NAGPA: variants seen among roughly 807,000 people sequenced by gnomAD.
NAGPA encodes the protein alpha-N-acetylglucosaminyl phosphodiesterase.
NAGPA carries 56 observed loss-of-function variants against 48.5 expected under a neutral mutation model. The observed-to-expected ratio is 1.15, with a 90% CI of 0.93 to 1.44. The LOEUF (loss-of-function observed/expected upper bound fraction) is 1.44, where lower values mean the gene tolerates loss of function less well. Among genes scored for constraint, NAGPA ranks in the 40% most tolerant of loss-of-function variants. The probability of loss-of-function intolerance (pLI) is 0.00; values close to 1 mark genes in which losing one functional copy is unlikely to be tolerated. For missense variants in NAGPA, 888 were observed against 735.0 expected (o/e 1.21, Z -2.41); for synonymous variants, 399 against 315.5 (o/e 1.26, Z -2.81).
intron 3 of NAGPA, 76 bp downstream of exon 3, chr16:5,031,669 G>C (rs142970775): frequency 2.1e-5 from 34 of 1,591,724 alleles, no homozygotes; most frequent in Non-Finnish European, 2.8e-5. Flanking sequence ...CTTGTTGAAA[G>C]ACTTAAGAAC....
chr16:5,031,673 T>G, intron 3 of NAGPA, 72 bp downstream of exon 3: 1 of 1,600,396 alleles, frequency 6.2e-7, no homozygotes, highest in African/African-American at 1.3e-5. Flanking sequence ...TTGAAAGACT[T>G]AAGAACAGCT....
In NAGPA at chr16:5,028,938, C is replaced by T. The variant is rs1956053235; in HGVS notation, c.862G>A (p.Gly288Ser). 4 of 1,613,952 alleles carry T rather than the reference C, an allele frequency of 2.5e-6. No homozygotes were observed. Among genetic ancestry groups the T allele is most frequent in the African/African-American group, 1.3e-5 (1 of 74,946 alleles). ...TTGAGCACAAAGGTGGCAGAGCCAC[C>T]CCCATCCAGGTTGATGGCGTTGACC... ...DVVNAINLDG[G>S]GSATFVLNGT... Residue 288 changes from glycine (G) to serine (S), a missense_variant, in exon 5 of 10, where the codon GGT (glycine) becomes AGT (serine). Transcript: ENST00000312251.
Position 5,026,927 on chromosome 16 carries a change from G to T in NAGPA, c.1340+208C>A, listed in dbSNP as rs78958471. Among the ~76,000 whole-genome samples, 1,470 of 152,274 alleles carry T rather than the reference G, an allele frequency of 9.7e-3. 17 individuals carry two copies. Among genetic ancestry groups the T allele is most frequent in the East Asian group, 0.036 (186 of 5,170 alleles). ...CAGTTTGCATTCTGAGCTCCAGTGG[G>T]GGATGCTGACAACAGAGGCTGGGCA... On this transcript the variant is annotated intron_variant, in intron 9 of 9. Transcript: ENST00000312251.
In NAGPA at chr16:5,030,496, G is replaced by C. The variant is rs1956079491; in HGVS notation, c.683-3C>G. The C allele has an allele frequency of 6.4e-7, 1 of 1,552,104 alleles. No homozygotes were observed. Among genetic ancestry groups the C allele is most frequent in the Middle Eastern group, 1.7e-4 (1 of 5,994 alleles). ...ATTCACAAATTTGCTAAAGGAACCT[G>C]AAGGAAAAGCAGCCTGGCTGATCAC... On this transcript the variant is annotated splice_region_variant and splice_polypyrimidine_tract_variant and intron_variant, in intron 3 of 9. Coordinates refer to ENST00000312251, the MANE Select transcript of NAGPA (RefSeq NM_016256.4).
Position 5,027,354 on chromosome 16 carries a change from C to G in NAGPA, c.1200G>C (p.Pro400=), listed in dbSNP as rs776827982. The G allele has an allele frequency of 2.5e-6, 4 of 1,613,892 alleles. No individual in the cohort carries two copies. In the African/African-American group the frequency reaches 5.3e-5, roughly 22 times the overall value. ...SEECPLGWHG[P]GCQRPCKCEH... is the part of the protein sequence containing the mutation. ...CACACTTACAAGGCCTCTGGCAGCC[C>G]GGCCCATGCCAGCCAAGGGGACACT... is the stretch of plus-strand genomic sequence containing the variant. Residue 400 remains proline, a synonymous_variant, in exon 8 of 10, where the codon CCG becomes CCC. Coordinates refer to ENST00000312251, the MANE Select transcript of NAGPA (RefSeq NM_016256.4).
At chr16:5,027,821 C>T in intron 7 of NAGPA, 25 bp downstream of exon 7, 1 of 1,553,194 alleles carries the variant, frequency 6.4e-7, no homozygotes, top group East Asian at 2.4e-5. Context: ...GTCTCCCCAT[C>T]CGCTAGTGGC....
Position 5,031,900 on chromosome 16 carries a change from G to C in NAGPA, c.543-16C>G, listed in dbSNP as rs1956105359. On this transcript the variant is annotated splice_polypyrimidine_tract_variant and intron_variant, in intron 2 of 9. Coordinates refer to ENST00000312251, the MANE Select transcript of NAGPA (RefSeq NM_016256.4). ...AGACAGGTACCTGGATCCGGGGAAG[G>C]TGGGAAGCTCACTCACCAGCAGGGG... 5 of 1,613,984 alleles carry C rather than the reference G, an allele frequency of 3.1e-6. No homozygotes were observed. In the South Asian group the frequency reaches 3.3e-5, roughly 11 times the overall value.
At chr16:5,027,744 G>A in intron 7 of NAGPA, 102 bp downstream of exon 7, 1 of 1,493,092 alleles carries the variant, frequency 6.7e-7, no homozygotes, top group Non-Finnish European at 9.1e-7. Context: ...CAAGAGGCAA[G>A]CATTTCCCAG....
intron 7 of NAGPA, 131 bp from the exon 8 acceptor site, chr16:5,027,510 C>A (rs1000030761): frequency 2.1e-6 from 2 of 944,578 alleles, no homozygotes; most frequent in Admixed American, 2.1e-5. Flanking sequence ...GGTGAAGCAC[C>A]CCCTGCCCTC....
rs1242365508 is a variant in NAGPA, at chr16:5,033,155, T to C, written c.542+118A>G. The stretch of plus-strand genomic sequence containing the variant: ...GCAAGGAAGCGATTCCTATCCCCAT[T>C]CTGCAGAGGAGGAAACAGGGGCTCA... On this transcript the variant is annotated intron_variant, in intron 2 of 9. Transcript: ENST00000312251. The surrounding 1 kb of genome is among the most constrained non-coding windows in gnomAD (Gnocchi z 4.2). The C allele has an allele frequency of 1.7e-6, 2 of 1,184,774 alleles. No individual in the cohort carries two copies. The highest frequency in any genetic ancestry group is 3.0e-5 in the African/African-American group (2 of 66,026). The allele number at this position is 1,184,774 out of a possible 1,614,324, so 73.4% of individuals were successfully genotyped here. A position where few individuals can be genotyped will look rare whatever the true frequency, so the allele number is the denominator to read the frequency against.
chr16:5,026,813 A>G (rs1956009060), intron 9 of NAGPA, among the ~76,000 whole-genome samples: 1 of 152,192 alleles, frequency 6.6e-6, no homozygotes, highest in South Asian at 2.1e-4. Flanking sequence ...AGGCGGGAGG[A>G]TCGCAGTGAG....
At position 5,033,546 on chromosome 16, in the gene NAGPA, A is replaced by ACCG; in HGVS notation, c.266_268dup (p.Ala89dup). On this transcript the variant is annotated inframe_insertion, in exon 2 of 10. Coordinates refer to ENST00000312251, the MANE Select transcript of NAGPA (RefSeq NM_016256.4). The surrounding 1 kb of genome is among the most constrained non-coding windows in gnomAD (Gnocchi z 4.2). ...AACGGCCCGCGTCAGGTGGCCGGCC[A>ACCG]CCGCGCGGTCCCTGAAGTGCGACAC... The ACCG allele has an allele frequency of 6.7e-7, 1 of 1,499,022 alleles. No homozygotes were observed. The highest frequency in any genetic ancestry group is 8.8e-7 in the Non-Finnish European group (1 of 1,134,300). 92.9% of individuals were successfully genotyped at this position (1,499,022 alleles called of 1,614,324 possible).
chr16:5,033,174 G>C lies in NAGPA; in HGVS notation c.542+99C>G, dbSNP rs1036435045. The C allele has an allele frequency of 1.5e-5, 21 of 1,369,948 alleles. No homozygotes were observed. The highest frequency in any genetic ancestry group is 7.9e-5 in the Admixed American group (4 of 50,566). 84.9% of individuals were successfully genotyped at this position (1,369,948 alleles called of 1,614,324 possible). A position where few individuals can be genotyped will look rare whatever the true frequency, so the allele number is the denominator to read the frequency against. The stretch of plus-strand genomic sequence containing the variant: ...CCCCATTCTGCAGAGGAGGAAACAG[G>C]GGCTCAGCTTGGTTAAGTGACTTGA... On this transcript the variant is annotated intron_variant, in intron 2 of 9. Transcript: ENST00000312251. This position sits in a 1 kb window ranked among gnomAD's most constrained non-coding sequence, Gnocchi z 4.2.
In NAGPA at chr16:5,033,784, AG is replaced by A. The variant is rs752187452; in HGVS notation, c.86+44del. 4 of 1,575,318 alleles carry A rather than the reference AG, an allele frequency of 2.5e-6. No homozygotes were observed. The highest frequency in any genetic ancestry group is 3.4e-6 in the Non-Finnish European group (4 of 1,161,494). On this transcript the variant is annotated intron_variant, in intron 1 of 9. Coordinates refer to ENST00000312251, the MANE Select transcript of NAGPA (RefSeq NM_016256.4). The surrounding 1 kb of genome is among the most constrained non-coding windows in gnomAD (Gnocchi z 4.2). Reference sequence around the variant, plus strand: ...GGCTGTCCTCGTGAGCTCGGAGGACAGGGGGGACCCCCCGAACCAGGCTGGC... The same window carrying A: ...GGCTGTCCTCGTGAGCTCGGAGGACAGGGGGACCCCCCGAACCAGGCTGGC...
Position 5,027,975 on chromosome 16 carries a change from C to G in NAGPA, c.1126+5G>C. The stretch of plus-strand genomic sequence containing the variant: ...CAGAGCCCCCTCCCCAGAACCCCCA[C>G]TCACTCTCCGTGCACAGTCCGTGCT... On this transcript the variant is annotated splice_donor_5th_base_variant and intron_variant, in intron 6 of 9. Coordinates refer to ENST00000312251, the MANE Select transcript of NAGPA (RefSeq NM_016256.4). 6.2e-7 allele frequency: 1 copy of G among 1,613,880 alleles called. No homozygotes were observed. Among genetic ancestry groups the G allele is most frequent in the Non-Finnish European group, 8.5e-7 (1 of 1,179,902 alleles).
chr16:5,029,956 C>G (rs1213303484), intron 4 of NAGPA: 4 of 281,352 alleles, frequency 1.4e-5, no homozygotes, highest in African/African-American at 8.8e-5. Context: ...ACATTCCCTG[C>G]TGAGTGTTGC....
chr16:5,025,208 G>A lies in NAGPA; in HGVS notation c.*270C>T, dbSNP rs1358791697. Reference sequence around the variant, plus strand: ...TCTTTGGCAGTGCGGCAGCCCTCCCGGGGGCACGGGCTTCTCGGCAGCAGA... The same window carrying A: ...TCTTTGGCAGTGCGGCAGCCCTCCCAGGGGCACGGGCTTCTCGGCAGCAGA... On this transcript the variant is annotated 3_prime_UTR_variant, in exon 10 of 10. Coordinates refer to ENST00000312251, the MANE Select transcript of NAGPA (RefSeq NM_016256.4). The A allele has an allele frequency of 1.5e-5, 8 of 524,626 alleles. No individual in the cohort carries two copies. Among genetic ancestry groups the A allele is most frequent in the Admixed American group, 3.2e-5 (1 of 31,532 alleles). The allele number at this position is 524,626 out of a possible 1,614,324, so 32.5% of individuals were successfully genotyped here. A position where few individuals can be genotyped will look rare whatever the true frequency, so the allele number is the denominator to read the frequency against.
chr16:5,030,590 C>T, intron 3 of NAGPA, 97 bp from the exon 4 acceptor site: 1 of 979,126 alleles, frequency 1.0e-6, no homozygotes, highest in East Asian at 2.6e-5. Context: ...CCTGGTACCT[C>T]CCTGGGAAGC....
At position 5,030,240 on chromosome 16, in the gene NAGPA, G is replaced by A. The variant is rs532120457; in HGVS notation, c.791+145C>T. On this transcript the variant is annotated intron_variant, in intron 4 of 9. Transcript: ENST00000312251. ...AGATCTCAGAACCCTCATCCTGTGGGAAGGTGAGGGGGCCCTGGGAGGGGG... is the reference window on the plus strand; with the variant it reads ...AGATCTCAGAACCCTCATCCTGTGGAAAGGTGAGGGGGCCCTGGGAGGGGG... The A allele has an allele frequency of 8.2e-6, 6 of 732,594 alleles. No individual in the cohort carries two copies. In the African/African-American group the frequency reaches 1.0e-4, roughly 13 times the overall value. 45.4% of individuals were successfully genotyped at this position (732,594 alleles called of 1,614,324 possible).
Sources: gnomAD v4.1 joint callset for allele counts (sites outside exome capture counted in the v4.1 genomes callset) on GRCh38, gnomAD v4.1.1 for gene constraint, Gnocchi (gnomAD v3.1) non-coding constraint, MANE v1.5 for transcripts, NCBI Gene and HGNC (gene_info 2026-07-23, HGNC 2026-07-21) for gene names.